IGBP1C: variants seen among roughly 807,000 people sequenced by gnomAD.
IGBP1C encodes the protein immunoglobulin-binding protein 1 family member C.
chr17:58,679,958 T>C, the IGBP1C span, among the ~76,000 whole-genome samples: 1 of 152,166 alleles, frequency 6.6e-6, no homozygotes, highest in East Asian at 1.9e-4. Context: ...CCTTTCCTAG[T>C]ATGCTTGGTG....
the IGBP1C span, among the ~76,000 whole-genome samples, chr17:58,667,891 TAAAAAAAAAA>T: frequency 2.9e-4 from 30 of 102,820 alleles, no homozygotes; most frequent in African/African-American, 9.9e-4. Flanking sequence ...AGACTCTGGC[TAAAAAAAAAA>T]AAAAAAAAAG....
the IGBP1C span, among the ~76,000 whole-genome samples, chr17:58,690,873 TTTTG>T: frequency 6.6e-6 from 1 of 152,090 alleles, no homozygotes; most frequent in Non-Finnish European, 1.5e-5. Context: ...TGCTGAGGTG[TTTTG>T]TTTGTTTGAG....
At chr17:58,682,671 G>T in the IGBP1C span, among the ~76,000 whole-genome samples, 1 of 152,160 alleles carries the variant, frequency 6.6e-6, no homozygotes, top group Non-Finnish European at 1.5e-5. Flanking sequence ...ACCATGCCCG[G>T]CTGCCCAGCC....
chr17:58,685,485 T>A, the IGBP1C span, among the ~76,000 whole-genome samples: 1 of 150,236 alleles, frequency 6.7e-6, no homozygotes, highest in African/African-American at 2.4e-5. Context: ...AGTAGTTAAT[T>A]AGGTGAAGGA....
chr17:58,687,239 A>G, the IGBP1C span, among the ~76,000 whole-genome samples: 1 of 151,804 alleles, frequency 6.6e-6, no homozygotes, highest in Non-Finnish European at 1.5e-5. Flanking sequence ...TTGCAAGCCT[A>G]CTCTGGACTC....
the IGBP1C span, among the ~76,000 whole-genome samples, chr17:58,668,755 G>T: frequency 6.6e-6 from 1 of 152,108 alleles, no homozygotes; most frequent in Non-Finnish European, 1.5e-5. Context: ...GGATCACCCA[G>T]AAAGCATGTG....
At chr17:58,687,188 G>T in the IGBP1C span, among the ~76,000 whole-genome samples, 1 of 152,080 alleles carries the variant, frequency 6.6e-6, no homozygotes, top group Non-Finnish European at 1.5e-5. Flanking sequence ...ATCACTCCCT[G>T]GCACTGAGGT....
the IGBP1C span, among the ~76,000 whole-genome samples, chr17:58,684,175 C>T: frequency 6.6e-6 from 1 of 151,202 alleles, no homozygotes; most frequent in African/African-American, 2.4e-5. Context: ...AAAAATGCTT[C>T]CGCCCGGCAT....
chr17:58,686,971 T>C, the IGBP1C span, among the ~76,000 whole-genome samples: 3 of 144,034 alleles, frequency 2.1e-5, no homozygotes, highest in African/African-American at 7.8e-5. Flanking sequence ...TCTTTGGGGT[T>C]CAGGAGATTC....
the IGBP1C span, among the ~76,000 whole-genome samples, chr17:58,690,848 G>T: frequency 6.6e-6 from 1 of 152,092 alleles, no homozygotes; most frequent in Admixed American, 6.6e-5. Flanking sequence ...TTGAATCTTG[G>T]CTTTAAGAAA....
chr17:58,678,642 GGGT>G, the IGBP1C span, among the ~76,000 whole-genome samples: 2 of 151,870 alleles, frequency 1.3e-5, no homozygotes, highest in African/African-American at 4.8e-5. Flanking sequence ...CTTGAACACG[GGGT>G]GGGGAACATC....
At chr17:58,673,935 C>A in the IGBP1C span, among the ~76,000 whole-genome samples, 2 of 152,046 alleles carry the variant, frequency 1.3e-5, no homozygotes, top group African/African-American at 4.8e-5. Flanking sequence ...ATATTTTCTA[C>A]AAACATCTTC....
At chr17:58,684,862 G>C in the IGBP1C span, among the ~76,000 whole-genome samples, 3 of 151,880 alleles carry the variant, frequency 2.0e-5, no homozygotes, top group Non-Finnish European at 4.4e-5. Flanking sequence ...TGTAATCTCA[G>C]CTACTCAAGA....
chr17:58,680,314 T>G, the IGBP1C span, among the ~76,000 whole-genome samples: 1 of 152,202 alleles, frequency 6.6e-6, no homozygotes, highest in Non-Finnish European at 1.5e-5. Context: ...TCTACATATC[T>G]GAAAATCCAA....
chr17:58,670,906 C>T, the IGBP1C span, among the ~76,000 whole-genome samples: 2 of 151,474 alleles, frequency 1.3e-5, no homozygotes, highest in African/African-American at 2.4e-5. Context: ...TATTAATTAG[C>T]TCCCTGTAGC....
At chr17:58,691,186 A>G in the IGBP1C span, among the ~76,000 whole-genome samples, 15 of 152,200 alleles carry the variant, frequency 9.9e-5, no homozygotes, top group African/African-American at 3.1e-4. Context: ...AATTGATATT[A>G]AACTATATGC....
At chr17:58,666,458 C>CAAACAAAAAAAAAAA in the IGBP1C span, 2 of 36,834 alleles carry the variant, frequency 5.4e-5, no homozygotes, top group African/African-American at 1.0e-4. Flanking sequence ...CCTTCCACGG[C>CAAACAAAAAAAAAAA]AAAAAAAAAA....
At chr17:58,683,890 C>A in the IGBP1C span, among the ~76,000 whole-genome samples, 1 of 150,548 alleles carries the variant, frequency 6.6e-6, no homozygotes, top group Admixed American at 6.7e-5. Flanking sequence ...CATGATGAAA[C>A]CCCATCTCTA....
At chr17:58,679,195 A>G in the IGBP1C span, among the ~76,000 whole-genome samples, 2 of 152,174 alleles carry the variant, frequency 1.3e-5, no homozygotes, top group African/African-American at 4.8e-5. Flanking sequence ...GAGGTCCACA[A>G]AAAGATATAA....
Sources: allele counts gnomAD v4.1 joint callset (sites outside exome capture counted in the v4.1 genomes callset), GRCh38; gene constraint gnomAD v4.1.1; transcripts MANE v1.5; gene names NCBI Gene and HGNC (gene_info 2026-07-23, HGNC 2026-07-21).